The following CDKL3 variants were observed in gnomAD, a reference collection of about 807,000 sequenced individuals.
The protein encoded by CDKL3 is cyclin-dependent kinase-like 3.
In CDKL3, 65 loss-of-function variants were observed where a neutral mutation model predicts 69.3. The observed-to-expected ratio is 0.94, with a 90% CI of 0.77 to 1.15. The LOEUF is 1.15. CDKL3 is among the 50% of genes most tolerant of loss of function. The pLI is 0.00. For missense variants in CDKL3, 652 were observed against 689.2 expected, an observed-to-expected ratio of 0.95 and a Z score of 0.61; for synonymous variants, 202 against 221.6, an observed-to-expected ratio of 0.91 and a Z score of 0.79.
chr5:134,350,957 C>T (rs561865243), intron 3 of CDKL3, among the ~76,000 whole-genome samples: 7 of 152,170 alleles, frequency 4.6e-5, no homozygotes, highest in African/African-American at 1.7e-4. Context: ...ACAGCTAAAC[C>T]TCTTGAGACA....
intron 2 of CDKL3, among the ~76,000 whole-genome samples, chr5:134,362,604 A>G (rs1756322634): frequency 6.6e-6 from 1 of 152,206 alleles, no homozygotes; most frequent in Admixed American, 6.5e-5. Context: ...CTCCAGTGGA[A>G]TTAGATTACA....
At chr5:134,356,277 T>C (rs982172839) in intron 3 of CDKL3, among the ~76,000 whole-genome samples, 1 of 152,184 alleles carries the variant, frequency 6.6e-6, no homozygotes, top group Non-Finnish European at 1.5e-5. Flanking sequence ...GCTGATCTGA[T>C]AGGAGGCAGA....
intron 5 of CDKL3, 37 bp from the exon 6 acceptor site, chr5:134,319,534 G>A (rs1355970609): frequency 1.4e-6 from 2 of 1,470,098 alleles, no homozygotes; most frequent in East Asian, 2.5e-5. Context: ...AAAAAACAGA[G>A]AAATAGTCTA....
At chr5:134,310,283 T>A (rs1769061438) in intron 7 of CDKL3, among the ~76,000 whole-genome samples, 5 of 151,958 alleles carry the variant, frequency 3.3e-5, no homozygotes, top group Admixed American at 3.3e-4. Flanking sequence ...CCTCCCGTGT[T>A]CACACCATTC....
intron 3 of CDKL3, among the ~76,000 whole-genome samples, chr5:134,352,301 ATTTT>A (rs796539156): frequency 2.2e-5 from 3 of 137,488 alleles, no homozygotes; most frequent in African/African-American, 5.3e-5. Flanking sequence ...ACTTAGGTTG[ATTTT>A]TTTTTTTTTT....
intron 4 of CDKL3, among the ~76,000 whole-genome samples, chr5:134,326,763 T>G (rs1774305866): frequency 6.7e-6 from 1 of 148,684 alleles, no homozygotes; most frequent in Admixed American, 6.7e-5. Flanking sequence ...GCCTCAGAAT[T>G]ATTTTTTTAA....
At chr5:134,367,888 T>TA (rs569184185), upstream of CDKL3, among the ~76,000 whole-genome samples, 779 of 151,740 alleles carry the variant, frequency 5.1e-3, 4 homozygotes, top group African/African-American at 0.018. Context: ...TAAGTAGACA[T>TA]AGAGTTCAAC....
intron 12 of CDKL3, among the ~76,000 whole-genome samples, chr5:134,299,040 T>G (rs1266685303): frequency 6.6e-6 from 1 of 152,076 alleles, no homozygotes. Flanking sequence ...GTCCGGCTAA[T>G]TTTTTGCATT....
At chr5:134,331,013 C>T (rs927162771) in intron 4 of CDKL3, among the ~76,000 whole-genome samples, 3 of 152,134 alleles carry the variant, frequency 2.0e-5, no homozygotes, top group Admixed American at 6.6e-5. Context: ...TTAAAATTTC[C>T]ATTGAAAGTT....
chr5:134,306,541 A>G (rs1024410545), intron 10 of CDKL3, 68 bp downstream of exon 10: 1 of 929,840 alleles, frequency 1.1e-6, no homozygotes, highest in African/African-American at 1.7e-5. Flanking sequence ...AGCCCTAAAG[A>G]TAGAGAAAAG....
upstream of CDKL3, among the ~76,000 whole-genome samples, chr5:134,370,423 A>G (rs1758243482): frequency 6.6e-6 from 1 of 152,272 alleles, no homozygotes; most frequent in Middle Eastern, 3.4e-3. Flanking sequence ...CTCAGGCTAG[A>G]TATATAACCC....
chr5:134,323,499 G>T (rs1032982435), intron 4 of CDKL3, among the ~76,000 whole-genome samples: 2 of 152,098 alleles, frequency 1.3e-5, no homozygotes, highest in Non-Finnish European at 2.9e-5. Flanking sequence ...AGATAGTATG[G>T]TATTGGTGAA....
At chr5:134,366,918 G>T (rs1757573543) in intron 1 of CDKL3, 59 bp downstream of exon 1, 15 of 993,710 alleles carry the variant, frequency 1.5e-5, no homozygotes, top group Non-Finnish European at 1.7e-5. Flanking sequence ...CAGGCCCAAG[G>T]TCCTAAAAAA....
At chr5:134,322,366 G>A (rs1561551666) in intron 4 of CDKL3, among the ~76,000 whole-genome samples, 1 of 152,116 alleles carries the variant, frequency 6.6e-6, no homozygotes, top group Non-Finnish European at 1.5e-5. Flanking sequence ...ATTGGTAATT[G>A]CTATATTGGT....
intron 3 of CDKL3, among the ~76,000 whole-genome samples, chr5:134,351,271 T>C (rs1753242081): frequency 6.6e-6 from 1 of 152,166 alleles, no homozygotes; most frequent in Non-Finnish European, 1.5e-5. Flanking sequence ...TCTCTTCATA[T>C]GTATCAAGTT....
intron 3 of CDKL3, among the ~76,000 whole-genome samples, chr5:134,357,535 G>A (rs978477912): frequency 4.6e-5 from 7 of 152,126 alleles, no homozygotes; most frequent in African/African-American, 1.7e-4. Flanking sequence ...GGAGGGTGAA[G>A]CAGGAAGAAT....
At chr5:134,368,331 T>C (rs964874050), upstream of CDKL3, among the ~76,000 whole-genome samples, 1 of 152,152 alleles carries the variant, frequency 6.6e-6, no homozygotes, top group Non-Finnish European at 1.5e-5. Context: ...TCTTTGAAGG[T>C]TATTCAGACG....
At chr5:134,344,650 G>C (rs367568466) in intron 4 of CDKL3, among the ~76,000 whole-genome samples, 2 of 152,172 alleles carry the variant, frequency 1.3e-5, no homozygotes, top group Non-Finnish European at 2.9e-5. Flanking sequence ...AGGCTTCAGC[G>C]TGGTGGCTCA....
At chr5:134,335,432 A>G (rs1776863141) in intron 4 of CDKL3, among the ~76,000 whole-genome samples, 1 of 152,048 alleles carries the variant, frequency 6.6e-6, no homozygotes, top group Non-Finnish European at 1.5e-5. Flanking sequence ...GGTCTTTACA[A>G]TTTGGCATGT....
Sources: allele counts gnomAD v4.1 joint callset (sites outside exome capture counted in the v4.1 genomes callset), GRCh38; gene constraint gnomAD v4.1.1; transcripts MANE v1.5; gene names NCBI Gene and HGNC (gene_info 2026-07-23, HGNC 2026-07-21).